ARHGEF18: variants seen among roughly 807,000 people sequenced by gnomAD.
ARHGEF18 encodes the protein rho guanine nucleotide exchange factor 18.
A neutral mutation model predicts 155.7 loss-of-function variants in ARHGEF18; 93 were observed. The observed-to-expected ratio is 0.60, with a 90% CI of 0.50 to 0.71. The LOEUF (loss-of-function observed/expected upper bound fraction) is 0.71, where lower values mean the gene tolerates loss of function less well. ARHGEF18 is among the 30% of genes least tolerant of loss of function. The probability of loss-of-function intolerance (pLI) is 0.00; values close to 1 mark genes in which losing one functional copy is unlikely to be tolerated. For missense variants in ARHGEF18, 1,593 were observed against 1,816.1 expected, an observed-to-expected ratio of 0.88 and a Z score of 2.23; for synonymous variants, 742 against 753.1, an observed-to-expected ratio of 0.99 and a Z score of 0.24.
chr19:7,409,030 A>C lies in ARHGEF18; in HGVS notation c.967+25827A>C, dbSNP rs555697130. Among the ~76,000 whole-genome samples the C allele has an allele frequency of 2.7e-5, 4 of 150,036 alleles. No individual in the cohort carries two copies. In the East Asian group the frequency reaches 7.9e-4, roughly 29 times the overall value. ...AGCCGTGATTGCACCACTGCATTCC[A>C]GCCTGGGCAAGAGCAAGACCCTGTT... On this transcript the variant is annotated intron_variant, in intron 10 of 28. Coordinates refer to ENST00000668164, the MANE Select transcript of ARHGEF18 (RefSeq NM_001367823.1).
intron 1 of ARHGEF18, among the ~76,000 whole-genome samples, chr19:7,362,033 AGGAG>A (rs1969593410): frequency 6.0e-5 from 3 of 49,618 alleles, no homozygotes; most frequent in African/African-American, 1.8e-4. Context: ...GAGAAGGAGA[AGGAG>A]AAGGAGAAGG....
intron 10 of ARHGEF18, among the ~76,000 whole-genome samples, chr19:7,404,459 T>C (rs891643039): frequency 2.2e-4 from 15 of 67,430 alleles, no homozygotes; most frequent in African/African-American, 5.8e-4. Flanking sequence ...ATCTCTCTCT[T>C]TTTTTTTTTT....
intron 4 of ARHGEF18, among the ~76,000 whole-genome samples, 160 bp downstream of exon 4, chr19:7,376,030 T>C (rs575131920): frequency 6.6e-6 from 1 of 152,198 alleles, no homozygotes; most frequent in East Asian, 1.9e-4. Flanking sequence ...CTCAGTTGTC[T>C]CTGGGTCCTA....
intron 15 of ARHGEF18, among the ~76,000 whole-genome samples, chr19:7,448,045 C>T (rs1167357688): frequency 6.6e-6 from 1 of 152,176 alleles, no homozygotes; most frequent in African/African-American, 2.4e-5. Context: ...TGTTCCTTAC[C>T]AGGCCACGGT....
intron 10 of ARHGEF18, among the ~76,000 whole-genome samples, chr19:7,413,525 T>G (rs1972821886): frequency 6.6e-6 from 1 of 151,944 alleles, no homozygotes; most frequent in Non-Finnish European, 1.5e-5. Context: ...ATGGTTTCGA[T>G]CTCCTGACCT....
chr19:7,356,378 A>G (rs1179413792), intron 1 of ARHGEF18, among the ~76,000 whole-genome samples: 1 of 149,648 alleles, frequency 6.7e-6, no homozygotes, highest in East Asian at 2.0e-4. Context: ...GGTTCAATTC[A>G]TTCTCCTGCC....
At chr19:7,380,884 C>T (rs911080324) in intron 7 of ARHGEF18, 33 bp from the exon 8 acceptor site, 14 of 1,227,960 alleles carry the variant, frequency 1.1e-5, no homozygotes, top group African/African-American at 1.6e-5. Context: ...AAGAGGCTGC[C>T]GACCCAGGTA....
At position 7,421,407 on chromosome 19, in the gene ARHGEF18, C is replaced by T. The variant is rs139655959; in HGVS notation, c.968-18937C>T. Among the ~76,000 whole-genome samples, 393 of 152,202 alleles carry T rather than the reference C, an allele frequency of 2.6e-3. 3 individuals are homozygous for T. The highest frequency in any genetic ancestry group is 8.9e-3 in the African/African-American group (369 of 41,534). The stretch of plus-strand genomic sequence containing the variant: ...CAGAGGGCCGACTTTTCCCATATGC[C>T]GGACAACTGTACCCCCCTCTTCTTT... On this transcript the variant is annotated intron_variant, in intron 10 of 28. Coordinates refer to ENST00000668164, the MANE Select transcript of ARHGEF18 (RefSeq NM_001367823.1).
chr19:7,437,264 A>C (rs1424613344), intron 10 of ARHGEF18, among the ~76,000 whole-genome samples: 1 of 152,080 alleles, frequency 6.6e-6, no homozygotes, highest in African/African-American at 2.4e-5. Context: ...CTCCGTCTCT[A>C]CTAAAAATAC....
At chr19:7,460,114 G>A in intron 20 of ARHGEF18, 120 bp downstream of exon 20, 2 of 922,396 alleles carry the variant, frequency 2.2e-6, no homozygotes, top group Non-Finnish European at 3.3e-6. Context: ...CGTGGGCTGT[G>A]CCATGTCCTG....
In ARHGEF18 at chr19:7,471,031, C is replaced by T. The variant is rs1976991786; in HGVS notation, c.*733C>T. The T allele has an allele frequency of 5.2e-6, 2 of 385,058 alleles. No homozygotes were observed. The highest frequency in any genetic ancestry group is 4.1e-5 in the African/African-American group (2 of 48,354). The allele number at this position is 385,058 out of a possible 1,614,324, so 23.9% of individuals were successfully genotyped here. ...TTTTACTTGGCATTGGTTTTGAAAC[C>T]AGCTGTTTCCCAAACTCTGCTTCCC... On this transcript the variant is annotated 3_prime_UTR_variant, in exon 29 of 29. Coordinates refer to ENST00000668164, the MANE Select transcript of ARHGEF18 (RefSeq NM_001367823.1). This position sits in a 1 kb window ranked among gnomAD's most constrained non-coding sequence, Gnocchi z 4.4.
chr19:7,349,912 A>G (rs948176745), intron 1 of ARHGEF18, among the ~76,000 whole-genome samples: 124 of 152,160 alleles, frequency 8.1e-4, no homozygotes, highest in African/African-American at 2.8e-3. Context: ...TCCCTGTTGC[A>G]GATTCTGAAT....
At chr19:7,354,311 T>A (rs1969229487) in intron 1 of ARHGEF18, among the ~76,000 whole-genome samples, 1 of 151,812 alleles carries the variant, frequency 6.6e-6, no homozygotes, top group Non-Finnish European at 1.5e-5. Flanking sequence ...AGATCCTGTC[T>A]CAAAAATAAA....
chr19:7,386,605 T>C (rs1600255805), intron 10 of ARHGEF18, among the ~76,000 whole-genome samples: 1 of 151,752 alleles, frequency 6.6e-6, no homozygotes, highest in East Asian at 1.9e-4. Context: ...TTCCAGGTCG[T>C]AGGTGGAAAG....
At chr19:7,452,320 G>A (rs1011568863) in intron 16 of ARHGEF18, among the ~76,000 whole-genome samples, 4 of 152,228 alleles carry the variant, frequency 2.6e-5, no homozygotes, top group Admixed American at 6.5e-5. Flanking sequence ...AGCCAGGGCC[G>A]TGCTGACCAC....
chr19:7,385,538 C>G (rs758548862), intron 10 of ARHGEF18, among the ~76,000 whole-genome samples: 2 of 150,026 alleles, frequency 1.3e-5, no homozygotes, highest in Non-Finnish European at 3.0e-5. Flanking sequence ...TGCAGTGGCA[C>G]GATCATAGCT....
At position 7,472,472 on chromosome 19, in the gene ARHGEF18, G is replaced by A. The variant is rs576962282; in HGVS notation, c.*2174G>A. Reference sequence around the variant, plus strand: ...CCTGATTCTAGCAATAAACGTGTCCGAGATGAGCGGTGACTGGCGTGCACG... The same window carrying A: ...CCTGATTCTAGCAATAAACGTGTCCAAGATGAGCGGTGACTGGCGTGCACG... On this transcript the variant is annotated 3_prime_UTR_variant, in exon 29 of 29. Coordinates refer to ENST00000668164, the MANE Select transcript of ARHGEF18 (RefSeq NM_001367823.1). The A allele has an allele frequency of 1.9e-5, 3 of 160,858 alleles. No homozygotes were observed. Among genetic ancestry groups the A allele is most frequent in the Non-Finnish European group, 4.2e-5 (3 of 72,158 alleles). The allele number at this position is 160,858 out of a possible 1,614,324, so 10.0% of individuals were successfully genotyped here.
chr19:7,451,410 T>A, intron 16 of ARHGEF18, 144 bp downstream of exon 16: 2 of 635,614 alleles, frequency 3.1e-6, no homozygotes, highest in Non-Finnish European at 5.2e-6. Context: ...CTTCCTTTTT[T>A]TTTTTTTTTT....
At chr19:7,455,306 G>A (rs191259152) in intron 17 of ARHGEF18, among the ~76,000 whole-genome samples, 159 of 152,300 alleles carry the variant, frequency 1.0e-3, no homozygotes, top group African/African-American at 3.3e-3. Context: ...GCCAAAAAAC[G>A]GAAAAACTAG....
Sources: gnomAD v4.1 joint callset for allele counts (sites outside exome capture counted in the v4.1 genomes callset) on GRCh38, gnomAD v4.1.1 for gene constraint, Gnocchi (gnomAD v3.1) non-coding constraint, MANE v1.5 for transcripts, NCBI Gene and HGNC (gene_info 2026-07-23, HGNC 2026-07-21) for gene names.